The following STAT3 variants were observed in gnomAD, a reference collection of about 807,000 sequenced individuals.
The protein encoded by STAT3 is DNA-binding protein APRF.
Under a neutral mutation model 114.3 loss-of-function variants are expected in STAT3, and 7 were observed. That is an observed-to-expected ratio of 0.06 (90% CI 0.03 to 0.11). STAT3 has a LOEUF of 0.11. Among genes scored for constraint, STAT3 ranks in the 10% least tolerant of loss-of-function variants. The pLI is 1.00. For synonymous variants in STAT3, 331 were observed against 354.5 expected (o/e 0.93, Z 0.74); for missense variants, 364 against 960.9 (o/e 0.38, Z 8.21).
chr17:42,313,840 A>G lies in STAT3; in HGVS notation c.*1905T>C, dbSNP rs1472000952. ...GTTGCTGGAGAAGTAAGAGCTCTGC[A>G]TGACACATCAACTGTCTCCAGGCAG... On this transcript the variant is annotated 3_prime_UTR_variant, in exon 24 of 24. Transcript: ENST00000264657. 3.0e-5 allele frequency: 7 copies of G among 232,812 alleles called. No individual in the cohort carries two copies. Among genetic ancestry groups the G allele is most frequent in the Non-Finnish European group, 6.0e-5 (7 of 117,532 alleles). The allele number at this position is 232,812 out of a possible 1,614,324, so 14.4% of individuals were successfully genotyped here. A position where few individuals can be genotyped will look rare whatever the true frequency, so the allele number is the denominator to read the frequency against.
chr17:42,371,365 G>A (rs905356251), intron 1 of STAT3, among the ~76,000 whole-genome samples: 4 of 151,990 alleles, frequency 2.6e-5, no homozygotes, highest in African/African-American at 4.8e-5. Context: ...CGGCTAACAC[G>A]TCTTCACAGT....
intron 1 of STAT3, among the ~76,000 whole-genome samples, chr17:42,349,253 T>C (rs568499790): frequency 6.6e-6 from 1 of 152,330 alleles, no homozygotes; most frequent in Non-Finnish European, 1.5e-5. Context: ...ATTAAAAAAT[T>C]ACTTAACTCC....
At chr17:42,346,347 T>C (rs1350384250) in intron 3 of STAT3, among the ~76,000 whole-genome samples, 1 of 152,194 alleles carries the variant, frequency 6.6e-6, no homozygotes, top group Non-Finnish European at 1.5e-5. Context: ...TAACAATCAC[T>C]TTATTACTTC....
chr17:42,325,606 C>T (rs2144724030), intron 15 of STAT3, among the ~76,000 whole-genome samples: 1 of 151,916 alleles, frequency 6.6e-6, no homozygotes, highest in East Asian at 1.9e-4. Context: ...ACTCTGTCAC[C>T]CAGGCTGGAG....
chr17:42,337,506 G>A lies in STAT3; in HGVS notation c.726C>T (p.Asp242=). 8.7e-6 allele frequency: 14 copies of A among 1,614,166 alleles called. No homozygotes were observed. The highest frequency in any genetic ancestry group is 1.2e-5 in the Non-Finnish European group (14 of 1,180,036). Residue 242 remains aspartate (D), a synonymous_variant, in exon 8 of 24, where the codon GAC becomes GAT. Coordinates refer to ENST00000264657, the MANE Select transcript of STAT3 (RefSeq NM_139276.3). This position sits in a 1 kb window ranked among gnomAD's most constrained non-coding sequence, Gnocchi z 4.0. ...QKTLTDEELA[D]WKRRQQIACI... ...AGGCAATCTGTTGCCGCCTCTTCCAGTCAGCCAGCTCCTCGTCCGTGAGAG... is the reference window on the plus strand; with the variant it reads ...AGGCAATCTGTTGCCGCCTCTTCCAATCAGCCAGCTCCTCGTCCGTGAGAG...
intron 1 of STAT3, among the ~76,000 whole-genome samples, chr17:42,361,989 T>C (rs1427815084): frequency 6.6e-6 from 1 of 152,140 alleles, no homozygotes; most frequent in Non-Finnish European, 1.5e-5. Context: ...TGGGACTTGG[T>C]GACTGACTGA....
At position 42,315,129 on chromosome 17, in the gene STAT3, TACA is replaced by T; in HGVS notation, c.*613_*615del. ...CCTCGGCCTCCCAAAGTGCTGGGAT[TACA>T]GGCGTGAGCCACCATGCCCGGCTGC... On this transcript the variant is annotated 3_prime_UTR_variant, in exon 24 of 24. Transcript: ENST00000264657. 1 of 202,634 alleles carries T rather than the reference TACA, an allele frequency of 4.9e-6. No homozygotes were observed. The highest frequency in any genetic ancestry group is 1.0e-5 in the Non-Finnish European group (1 of 98,636). 12.6% of individuals were successfully genotyped at this position (202,634 alleles called of 1,614,324 possible).
Position 42,315,662 on chromosome 17 carries a change from T to C in STAT3, c.*83A>G, listed in dbSNP as rs1440924366. On this transcript the variant is annotated 3_prime_UTR_variant, in exon 24 of 24. Transcript: ENST00000264657. ...CCACAAAGTTAGTAGTTTCAGATGA[T>C]CTGGGGTTTGGCTGTGTGAGGGGTG... The C allele has an allele frequency of 3.6e-6, 5 of 1,385,716 alleles. No individual in the cohort carries two copies. The East Asian group carries it at 1.1e-4, about 32-fold the overall frequency. The allele number at this position is 1,385,716 out of a possible 1,614,324, so 85.8% of individuals were successfully genotyped here. A position where few individuals can be genotyped will look rare whatever the true frequency, so the allele number is the denominator to read the frequency against.
chr17:42,362,873 G>A (rs994774082), intron 1 of STAT3, among the ~76,000 whole-genome samples: 1 of 152,062 alleles, frequency 6.6e-6, no homozygotes, highest in African/African-American at 2.4e-5. Flanking sequence ...CCTTCTTCAG[G>A]TCCTCAAAAA....
In STAT3 at chr17:42,372,967, A is replaced by C. The variant is rs188386029; in HGVS notation, c.-24+15312T>G. 7.7e-4 allele frequency among the ~76,000 whole-genome samples: 117 copies of C among 152,300 alleles called. 1 individual carries two copies. Among genetic ancestry groups the C allele is most frequent in the African/African-American group, 2.7e-3 (114 of 41,580 alleles). ...ACGTACTATACTAATGCAAGATGTT[A>C]ATAATAGAAGTTGTGGGAGAAAGTA... is the stretch of plus-strand genomic sequence containing the variant. On this transcript the variant is annotated intron_variant, in intron 1 of 23. Transcript: ENST00000264657.
intron 4 of STAT3, among the ~76,000 whole-genome samples, chr17:42,342,484 AAAG>A (rs2082486997): frequency 7.7e-6 from 1 of 130,046 alleles, no homozygotes; most frequent in African/African-American, 2.9e-5. Context: ...CTCTGTCTCA[AAAG>A]AAAAAAAAAA....
At chr17:42,336,916 TATA>T (rs2082251496) in intron 8 of STAT3, among the ~76,000 whole-genome samples, 2 of 151,928 alleles carry the variant, frequency 1.3e-5, no homozygotes, top group African/African-American at 4.8e-5. Flanking sequence ...ATACTTAAAA[TATA>T]ATAATATAAA....
chr17:42,363,617 T>C (rs1237387532), intron 1 of STAT3, among the ~76,000 whole-genome samples: 1 of 145,578 alleles, frequency 6.9e-6, no homozygotes, highest in Non-Finnish European at 1.5e-5. Flanking sequence ...ATAATTTTCT[T>C]TTTTTTTTTT....
At chr17:42,369,905 T>G (rs1162520757) in intron 1 of STAT3, among the ~76,000 whole-genome samples, 5 of 152,106 alleles carry the variant, frequency 3.3e-5, no homozygotes, top group African/African-American at 1.2e-4. Context: ...GCGATCCTCC[T>G]GCCTCAGCCT....
At chr17:42,319,551 A>AAAG (rs2081384499) in intron 21 of STAT3, among the ~76,000 whole-genome samples, 1 of 151,090 alleles carries the variant, frequency 6.6e-6, no homozygotes, top group African/African-American at 2.4e-5. Flanking sequence ...CAAAAAAAAA[A>AAAG]AAAAAAAAAA....
intron 14 of STAT3, among the ~76,000 whole-genome samples, chr17:42,327,311 TTATC>T (rs2081772238): frequency 6.6e-6 from 1 of 152,214 alleles, no homozygotes; most frequent in South Asian, 2.1e-4. Context: ...CCATATTTGT[TTATC>T]TAAGCAATGC....
At chr17:42,366,670 CAAAAAAAAAAAAAAA>C (rs34003618) in intron 1 of STAT3, among the ~76,000 whole-genome samples, 1 of 57,634 alleles carries the variant, frequency 1.7e-5, no homozygotes, top group Non-Finnish European at 3.3e-5. Context: ...GATCCTGTCT[CAAAAAAAAAAAAAAA>C]AAAAAAAAAG....
At position 42,324,347 on chromosome 17, in the gene STAT3, C is replaced by T. The variant is rs962889689; in HGVS notation, c.1600+364G>A. Among the ~76,000 whole-genome samples, 17 of 151,308 alleles carry T rather than the reference C, an allele frequency of 1.1e-4. No individual in the cohort carries two copies. The highest frequency in any genetic ancestry group is 1.9e-4 in the Non-Finnish European group (13 of 67,828). ...AAATAAATAAATAAATAAAATAAGACAAAAAAAACCAACTAGCCTATAGTT... is the reference window on the plus strand; with the variant it reads ...AAATAAATAAATAAATAAAATAAGATAAAAAAAACCAACTAGCCTATAGTT... On this transcript the variant is annotated intron_variant, in intron 17 of 23. Transcript: ENST00000264657. The surrounding 1 kb of genome is among the most constrained non-coding windows in gnomAD (Gnocchi z 4.5).
intron 1 of STAT3, among the ~76,000 whole-genome samples, chr17:42,367,299 A>G (rs2083856893): frequency 6.6e-6 from 1 of 151,796 alleles, no homozygotes; most frequent in Non-Finnish European, 1.5e-5. Flanking sequence ...AGATTGCGCC[A>G]CTGCACTTCA....
Sources: allele counts gnomAD v4.1 joint callset (sites outside exome capture counted in the v4.1 genomes callset), GRCh38; gene constraint gnomAD v4.1.1; non-coding constraint Gnocchi (gnomAD v3.1); transcripts MANE v1.5; gene names NCBI Gene and HGNC (gene_info 2026-07-23, HGNC 2026-07-21).